The following PITPNM3 variants were observed in gnomAD, a reference collection of about 807,000 sequenced individuals.
PITPNM3 encodes membrane-associated phosphatidylinositol transfer protein 3.
A neutral mutation model predicts 102.0 loss-of-function variants in PITPNM3; 26 were observed. The observed-to-expected ratio is 0.25, with a 90% CI of 0.19 to 0.35. The LOEUF is 0.35. PITPNM3 is among the 10% of genes least tolerant of loss of function. The pLI is 1.00. For missense variants in PITPNM3, 1,083 were observed against 1,346.1 expected (o/e 0.80, Z 3.06); for synonymous variants, 578 against 558.6 (o/e 1.03, Z -0.49).
chr17:6,516,023 A>T (rs965235343), intron 3 of PITPNM3, among the ~76,000 whole-genome samples: 1 of 152,212 alleles, frequency 6.6e-6, no homozygotes, highest in African/African-American at 2.4e-5. Flanking sequence ...TCTACAAAAA[A>T]TTAGGCAGGT....
Position 6,556,373 on chromosome 17 carries a change from GC to G in PITPNM3, c.22+11del. On this transcript the variant is annotated intron_variant, in intron 1 of 19. Coordinates refer to ENST00000262483, the MANE Select transcript of PITPNM3 (RefSeq NM_031220.4). The surrounding 1 kb of genome is among the most constrained non-coding windows in gnomAD (Gnocchi z 5.2). ...CGGGCCCCGGCCCTGCCCTCCCCGC[GC>G]CCGCCCTCACCTGCACGGCCCGCCT... is the stretch of plus-strand genomic sequence containing the variant. The G allele has an allele frequency of 7.4e-7, 1 of 1,359,030 alleles. No homozygotes were observed. 84.2% of individuals were successfully genotyped at this position (1,359,030 alleles called of 1,614,324 possible). A position where few individuals can be genotyped will look rare whatever the true frequency, so the allele number is the denominator to read the frequency against.
intron 9 of PITPNM3, 92 bp from the exon 10 acceptor site, chr17:6,474,696 C>T (rs540422459): frequency 1.9e-5 from 27 of 1,415,102 alleles, no homozygotes; most frequent in Non-Finnish European, 2.4e-5. Flanking sequence ...GAATTCTGAG[C>T]GTGAAGTGCC....
chr17:6,517,146 T>A lies in PITPNM3; in HGVS notation c.226+8210A>T, dbSNP rs868106458. Among the ~76,000 whole-genome samples, 1 of 152,204 alleles carries A rather than the reference T, an allele frequency of 6.6e-6. No individual in the cohort carries two copies. Among genetic ancestry groups the A allele is most frequent in the South Asian group, 2.1e-4 (1 of 4,838 alleles). On this transcript the variant is annotated intron_variant, in intron 3 of 19. Transcript: ENST00000262483. The surrounding 1 kb of genome is among the most constrained non-coding windows in gnomAD (Gnocchi z 4.1). The stretch of plus-strand genomic sequence containing the variant: ...CACAGTTCCTACCTGAAAGAATTAC[T>A]AGCAGAGACATTCTAGTGAAAAGAG...
At chr17:6,483,810 C>T (rs972609949) in intron 5 of PITPNM3, 58 bp from the exon 6 acceptor site, 56 of 1,383,828 alleles carry the variant, frequency 4.0e-5, no homozygotes, top group Non-Finnish European at 5.6e-5. Context: ...GGGGGAGGCA[C>T]ACAGGGACAC....
In PITPNM3 at chr17:6,472,867, T is replaced by C. The variant is rs201232583; in HGVS notation, c.1259-40A>G. On this transcript the variant is annotated intron_variant, in intron 10 of 19. Transcript: ENST00000262483. The surrounding 1 kb of genome is among the most constrained non-coding windows in gnomAD (Gnocchi z 4.1). ...AAGACAGAGGGAAGCCACTTTCTAGTACCTGCTCCCTGGGCCCTAGGAGGC... is the reference window on the plus strand; with the variant it reads ...AAGACAGAGGGAAGCCACTTTCTAGCACCTGCTCCCTGGGCCCTAGGAGGC... 8.7e-6 allele frequency: 14 copies of C among 1,609,192 alleles called. No homozygotes were observed. The Admixed American group carries it at 1.8e-4, about 21-fold the overall frequency.
chr17:6,475,380 G>A (rs1019543971), intron 9 of PITPNM3, among the ~76,000 whole-genome samples: 2 of 152,180 alleles, frequency 1.3e-5, no homozygotes, highest in Non-Finnish European at 2.9e-5. Context: ...GCACCTCCCT[G>A]ACCTTCCAGC....
intron 4 of PITPNM3, among the ~76,000 whole-genome samples, chr17:6,498,432 G>T (rs1906971396): frequency 6.6e-6 from 1 of 152,246 alleles, no homozygotes; most frequent in African/African-American, 2.4e-5. Context: ...TCATTCGAGA[G>T]GATCCATGGG....
intron 4 of PITPNM3, among the ~76,000 whole-genome samples, chr17:6,496,428 GT>G (rs1906825732): frequency 6.6e-6 from 1 of 151,886 alleles, no homozygotes; most frequent in Admixed American, 6.6e-5. Flanking sequence ...CCCAGCAAAT[GT>G]TCCCCGGGCC....
chr17:6,548,508 A>C (rs1910145393), intron 1 of PITPNM3, among the ~76,000 whole-genome samples: 1 of 152,084 alleles, frequency 6.6e-6, no homozygotes, highest in African/African-American at 2.4e-5. Flanking sequence ...GAGCAAGGGG[A>C]AGAGAAGGAA....
intron 2 of PITPNM3, among the ~76,000 whole-genome samples, chr17:6,535,012 C>A (rs1284926223): frequency 6.6e-6 from 1 of 152,166 alleles, no homozygotes; most frequent in East Asian, 1.9e-4. Flanking sequence ...AAATAGACAT[C>A]CATGGCAGCC....
In PITPNM3 at chr17:6,537,291, C is replaced by T. The variant is rs1356694845; in HGVS notation, c.118+696G>A. ...TTTTTTTTTCTGAGACAGAGTATCG[C>T]TCTGTCTGCAGTGCCATCTCGGCTC... On this transcript the variant is annotated intron_variant, in intron 2 of 19. Transcript: ENST00000262483. This position sits in a 1 kb window ranked among gnomAD's most constrained non-coding sequence, Gnocchi z 4.4. 1.4e-5 allele frequency among the ~76,000 whole-genome samples: 2 copies of T among 143,394 alleles called. No individual in the cohort carries two copies. The highest frequency in any genetic ancestry group is 5.3e-5 in the African/African-American group (2 of 37,616). The allele number at this position is 143,394 out of a possible 152,430, so 94.1% of individuals were successfully genotyped here. A position where few individuals can be genotyped will look rare whatever the true frequency, so the allele number is the denominator to read the frequency against.
At chr17:6,498,263 G>T (rs1053027358) in intron 4 of PITPNM3, among the ~76,000 whole-genome samples, 1 of 152,220 alleles carries the variant, frequency 6.6e-6, no homozygotes, top group Admixed American at 6.5e-5. Context: ...TGTCTCCTCC[G>T]CAGAGATGGA....
At chr17:6,524,352 G>T (rs1444281741) in intron 3 of PITPNM3, among the ~76,000 whole-genome samples, 2 of 152,106 alleles carry the variant, frequency 1.3e-5, no homozygotes, top group Admixed American at 6.5e-5. Flanking sequence ...GGGGAAGGAG[G>T]GATGGAAGAA....
intron 4 of PITPNM3, among the ~76,000 whole-genome samples, chr17:6,489,950 G>A (rs1233812456): frequency 3.3e-5 from 5 of 150,708 alleles, no homozygotes; most frequent in African/African-American, 1.2e-4. Flanking sequence ...GTTGCAGTGA[G>A]CCGAGATCAC....
At chr17:6,508,868 G>A (rs1269026201) in intron 3 of PITPNM3, among the ~76,000 whole-genome samples, 4 of 152,158 alleles carry the variant, frequency 2.6e-5, no homozygotes, top group Non-Finnish European at 2.9e-5. Context: ...AACCGCCAGC[G>A]AGGGAGGAGC....
chr17:6,503,511 G>T lies in PITPNM3; in HGVS notation c.274+16C>A, dbSNP rs1289862258. 1 of 1,612,544 alleles carries T rather than the reference G, an allele frequency of 6.2e-7. No individual in the cohort carries two copies. The highest frequency in any genetic ancestry group is 1.7e-5 in the Admixed American group (1 of 60,018). Reference sequence around the variant, plus strand: ...CAAGGGGAAGAAATGACCCCACAGGGTCAGGCTTGACTCACGCTGCTTCTC... The same window carrying T: ...CAAGGGGAAGAAATGACCCCACAGGTTCAGGCTTGACTCACGCTGCTTCTC... On this transcript the variant is annotated intron_variant, in intron 4 of 19. Transcript: ENST00000262483.
chr17:6,508,999 C>T (rs995402444), intron 3 of PITPNM3, among the ~76,000 whole-genome samples: 2 of 152,226 alleles, frequency 1.3e-5, no homozygotes, highest in East Asian at 3.8e-4. Flanking sequence ...TTGCAAGGCT[C>T]ATGGGCCTGA....
Position 6,478,117 on chromosome 17 carries a change from G to A in PITPNM3, c.778-20C>T, listed in dbSNP as rs905815167. 6.8e-5 allele frequency: 109 copies of A among 1,612,278 alleles called. No individual in the cohort carries two copies. The highest frequency in any genetic ancestry group is 9.0e-5 in the Non-Finnish European group (106 of 1,180,024). On this transcript the variant is annotated intron_variant, in intron 7 of 19. Transcript: ENST00000262483. This position sits in a 1 kb window ranked among gnomAD's most constrained non-coding sequence, Gnocchi z 4.4. ...ACACACCTGGAAGAGATGCAGCTGG[G>A]ACTGCAGGCCTGCCCACTGCTGACC...
chr17:6,461,196 C>T (rs1014284142), intron 18 of PITPNM3, among the ~76,000 whole-genome samples, 177 bp downstream of exon 18: 8 of 152,204 alleles, frequency 5.3e-5, no homozygotes, highest in African/African-American at 1.4e-4. Flanking sequence ...CCTCTGTCAA[C>T]GACGAGACTA....
Sources: gnomAD v4.1 joint callset for allele counts (sites outside exome capture counted in the v4.1 genomes callset) on GRCh38, gnomAD v4.1.1 for gene constraint, Gnocchi (gnomAD v3.1) non-coding constraint, MANE v1.5 for transcripts, NCBI Gene and HGNC (gene_info 2026-07-23, HGNC 2026-07-21) for gene names.